Variants in NRG1 observed in about 807,000 individuals in gnomAD.
NRG1 encodes the protein pro-neuregulin-1, membrane-bound isoform.
NRG1 carries 18 observed loss-of-function variants against 63.8 expected under a neutral mutation model. The ratio of observed to expected loss-of-function variants is 0.28; its 90% CI spans 0.19 to 0.42. The LOEUF is 0.42. Ranked by LOEUF, NRG1 falls within the 10% of genes least tolerant of loss-of-function variation. NRG1 has a pLI of 1.00. For synonymous variants in NRG1, 302 were observed against 301.3 expected (o/e 1.00, Z -0.02); for missense variants, 762 against 814.7 (o/e 0.94, Z 0.79).
intron 1 of NRG1, among the ~76,000 whole-genome samples, chr8:32,253,728 C>T (rs1433899289): frequency 6.6e-6 from 1 of 152,146 alleles, no homozygotes; most frequent in Admixed American, 6.5e-5. Context: ...GGAGAAGTAC[C>T]TCTTTTTCTG....
intron 1 of NRG1, among the ~76,000 whole-genome samples, chr8:32,018,730 C>G (rs963550050): frequency 6.6e-6 from 1 of 152,088 alleles, no homozygotes; most frequent in Non-Finnish European, 1.5e-5. Context: ...TATAAGCATT[C>G]TTGTATATGT....
chr8:32,135,792 A>G (rs1835430178), intron 1 of NRG1, among the ~76,000 whole-genome samples: 1 of 152,026 alleles, frequency 6.6e-6, no homozygotes, highest in South Asian at 2.1e-4. Context: ...ATTTAGAGCT[A>G]AGGGTCTATA....
intron 1 of NRG1, among the ~76,000 whole-genome samples, chr8:32,244,326 C>T (rs571658818): frequency 1.4e-4 from 21 of 152,168 alleles, no homozygotes; most frequent in African/African-American, 4.3e-4. Flanking sequence ...TAGAAATTAT[C>T]GAGTCCAAAA....
chr8:32,140,853 A>T (rs907053180), intron 1 of NRG1, among the ~76,000 whole-genome samples: 1 of 151,812 alleles, frequency 6.6e-6, no homozygotes, highest in African/African-American at 2.4e-5. Context: ...AGAGCATTTC[A>T]TTTCCTCTTA....
chr8:31,927,696 C>T (rs1351646240), intron 1 of NRG1, among the ~76,000 whole-genome samples: 3 of 149,808 alleles, frequency 2.0e-5, no homozygotes, highest in African/African-American at 7.3e-5. Context: ...GATCCGCCCG[C>T]CTCGGCCTCC....
chr8:32,627,032 A>G (rs959679321), intron 5 of NRG1, among the ~76,000 whole-genome samples: 1 of 151,866 alleles, frequency 6.6e-6, no homozygotes, highest in Non-Finnish European at 1.5e-5. Flanking sequence ...AAAAATAAAA[A>G]TAAAAAAGGA....
intron 10 of NRG1, 103 bp downstream of exon 10, chr8:32,759,539 C>G (rs1000163995): frequency 7.4e-7 from 1 of 1,360,264 alleles, no homozygotes; most frequent in African/African-American, 1.5e-5. Flanking sequence ...AATGGATGGT[C>G]TTTGGGCAGC....
intron 1 of NRG1, among the ~76,000 whole-genome samples, chr8:32,240,563 G>C (rs1182192148): frequency 1.3e-5 from 2 of 152,072 alleles, no homozygotes; most frequent in Non-Finnish European, 2.9e-5. Context: ...ATACACATAT[G>C]AGTGCATATA....
chr8:31,840,308 C>A (rs1156664418), intron 1 of NRG1, among the ~76,000 whole-genome samples: 1 of 145,310 alleles, frequency 6.9e-6, no homozygotes, highest in Non-Finnish European at 1.5e-5. Flanking sequence ...TAAGATAAAT[C>A]ATCTGTGAAG....
chr8:32,173,333 G>C (rs1398410295), intron 1 of NRG1, among the ~76,000 whole-genome samples: 1 of 152,146 alleles, frequency 6.6e-6, no homozygotes, highest in African/African-American at 2.4e-5. Context: ...AAGAGCTCCT[G>C]AAGGAAGCAT....
At chr8:32,618,105 G>A (rs576874913) in intron 5 of NRG1, among the ~76,000 whole-genome samples, 4 of 152,112 alleles carry the variant, frequency 2.6e-5, no homozygotes, top group East Asian at 1.9e-4. Flanking sequence ...AATTTCTGCC[G>A]GGGAATTTGT....
chr8:31,693,571 A>G (rs1585713454), intron 1 of NRG1, among the ~76,000 whole-genome samples: 2 of 152,138 alleles, frequency 1.3e-5, no homozygotes, highest in Non-Finnish European at 2.9e-5. Flanking sequence ...AAGACTCACA[A>G]TATGTTTTTC....
At chr8:32,519,374 C>A (rs907103794) in intron 1 of NRG1, among the ~76,000 whole-genome samples, 10 of 151,588 alleles carry the variant, frequency 6.6e-5, no homozygotes, top group African/African-American at 2.4e-4. Flanking sequence ...GCTCTTACCA[C>A]AAGTTAAAGG....
At chr8:32,727,322 C>T (rs112962405) in intron 5 of NRG1, among the ~76,000 whole-genome samples, 7 of 152,180 alleles carry the variant, frequency 4.6e-5, no homozygotes, top group African/African-American at 1.4e-4. Flanking sequence ...AGTATGATGG[C>T]GTTTGGACAT....
intron 1 of NRG1, among the ~76,000 whole-genome samples, chr8:32,144,290 C>A (rs966199705): frequency 2.0e-5 from 3 of 152,126 alleles, no homozygotes; most frequent in African/African-American, 4.8e-5. Context: ...TGAGCCCAGA[C>A]GATCATTTTT....
chr8:32,362,643 T>C (rs7840860), intron 1 of NRG1, among the ~76,000 whole-genome samples: 19,997 of 152,206 alleles, frequency 0.13, 1,576 homozygotes, highest in Middle Eastern at 0.21. Context: ...CTAAGATAAA[T>C]CTCAAGCAGA....
chr8:31,880,916 T>C (rs1269039514), intron 1 of NRG1, among the ~76,000 whole-genome samples: 2 of 152,194 alleles, frequency 1.3e-5, no homozygotes, highest in Non-Finnish European at 2.9e-5. Context: ...GACTGGAGTA[T>C]ATGCATTTGT....
intron 1 of NRG1, among the ~76,000 whole-genome samples, chr8:31,843,132 C>G (rs1009121706): frequency 6.6e-6 from 1 of 151,944 alleles, no homozygotes; most frequent in Non-Finnish European, 1.5e-5. Flanking sequence ...AAAAAAACAC[C>G]TTTTATATTG....
At chr8:31,792,010 A>C (rs1474785991) in intron 1 of NRG1, among the ~76,000 whole-genome samples, 1 of 152,124 alleles carries the variant, frequency 6.6e-6, no homozygotes, top group African/African-American at 2.4e-5. Flanking sequence ...GGCATACTTC[A>C]AGCCAGCAGC....
Sources: gnomAD v4.1 joint callset for allele counts (sites outside exome capture counted in the v4.1 genomes callset) on GRCh38, gnomAD v4.1.1 for gene constraint, MANE v1.5 for transcripts, NCBI Gene and HGNC (gene_info 2026-07-23, HGNC 2026-07-21) for gene names.